COG5: variants seen among roughly 807,000 people sequenced by gnomAD.
The protein encoded by COG5 is conserved oligomeric Golgi complex subunit 5.
COG5 carries 86 observed loss-of-function variants against 110.4 expected under a neutral mutation model. That is an observed-to-expected ratio of 0.78 (90% CI 0.65 to 0.93). The LOEUF (loss-of-function observed/expected upper bound fraction) is 0.93, where lower values mean the gene tolerates loss of function less well. COG5 is among the 40% of genes least tolerant of loss of function. The pLI is 0.00. For synonymous variants in COG5, 360 were observed against 334.6 expected (o/e 1.08, Z -0.83); for missense variants, 1,077 against 987.0 (o/e 1.09, Z -1.22).
intron 11 of COG5, among the ~76,000 whole-genome samples, chr7:107,302,766 A>G (rs1254718482): frequency 6.6e-6 from 1 of 152,172 alleles, no homozygotes; most frequent in African/African-American, 2.4e-5. Context: ...ACTATTCACT[A>G]CAAAAGTAGT....
chr7:107,430,655 C>T (rs140152667), intron 6 of COG5, among the ~76,000 whole-genome samples: 109 of 152,220 alleles, frequency 7.2e-4, no homozygotes, highest in Middle Eastern at 3.4e-3. Flanking sequence ...AACACCAATT[C>T]GGATTCTGAT....
chr7:107,432,370 A>G (rs537973812), intron 6 of COG5, among the ~76,000 whole-genome samples: 2 of 152,350 alleles, frequency 1.3e-5, no homozygotes, highest in South Asian at 4.1e-4. Flanking sequence ...CTGATAAAAT[A>G]TGCCAGGCTG....
intron 17 of COG5, among the ~76,000 whole-genome samples, chr7:107,246,006 C>T (rs780941295): frequency 2.6e-5 from 4 of 152,090 alleles, no homozygotes; most frequent in African/African-American, 9.7e-5. Flanking sequence ...GGTACTGGTA[C>T]AAAAACAGGC....
At chr7:107,354,496 G>A (rs1812457146) in intron 10 of COG5, among the ~76,000 whole-genome samples, 1 of 152,166 alleles carries the variant, frequency 6.6e-6, no homozygotes, top group Admixed American at 6.5e-5. Context: ...TACCCATATG[G>A]TGAAACTCCA....
chr7:107,286,383 G>A lies in COG5; in HGVS notation c.1314-2651C>T, dbSNP rs114511990. On this transcript the variant is annotated intron_variant, in intron 12 of 21. Coordinates refer to ENST00000297135, the MANE Select transcript of COG5 (RefSeq NM_006348.5). ...CTTCCAGCCTCCATCAGCCCACCAT[G>A]TCTATAGTCATCCTTTTTCCATAGC... 7.6e-3 allele frequency among the ~76,000 whole-genome samples: 1,155 copies of A among 152,242 alleles called. 15 individuals carry two copies. The highest frequency in any genetic ancestry group is 0.026 in the African/African-American group (1,085 of 41,538).
At chr7:107,250,520 A>G (rs1802423361) in intron 16 of COG5, among the ~76,000 whole-genome samples, 3 of 152,204 alleles carry the variant, frequency 2.0e-5, no homozygotes, top group Non-Finnish European at 2.9e-5. Context: ...TACTACACAT[A>G]TAAAATGCTA....
At chr7:107,426,496 C>G (rs1195457081) in intron 6 of COG5, among the ~76,000 whole-genome samples, 1 of 152,084 alleles carries the variant, frequency 6.6e-6, no homozygotes, top group Admixed American at 6.6e-5. Flanking sequence ...GATCAGGGTG[C>G]CAACATGGTC....
At chr7:107,555,150 C>A (rs1036228395) in intron 2 of COG5, among the ~76,000 whole-genome samples, 1 of 152,160 alleles carries the variant, frequency 6.6e-6, no homozygotes, top group African/African-American at 2.4e-5. Flanking sequence ...GTGTCACATA[C>A]CCACAGCAAA....
At chr7:107,482,678 C>A (rs960614517) in intron 6 of COG5, among the ~76,000 whole-genome samples, 13 of 151,894 alleles carry the variant, frequency 8.6e-5, no homozygotes, top group African/African-American at 3.1e-4. Context: ...TAATCCAGTA[C>A]TACATTAGAT....
chr7:107,320,076 C>A (rs1236977748), intron 11 of COG5, among the ~76,000 whole-genome samples: 2 of 152,078 alleles, frequency 1.3e-5, no homozygotes, highest in Non-Finnish European at 2.9e-5. Context: ...AAGACCCATG[C>A]AGGCAAGCTT....
chr7:107,539,906 G>A (rs1311171698), intron 5 of COG5, among the ~76,000 whole-genome samples: 7 of 152,144 alleles, frequency 4.6e-5, no homozygotes, highest in Admixed American at 6.5e-5. Context: ...TGATCTTTGA[G>A]AGAAACAAGA....
At chr7:107,371,978 T>C (rs1189918451) in intron 8 of COG5, among the ~76,000 whole-genome samples, 1 of 152,194 alleles carries the variant, frequency 6.6e-6, no homozygotes, top group Non-Finnish European at 1.5e-5. Context: ...GTCTTTTCTA[T>C]CTTCTTTTAC....
chr7:107,246,988 T>C (rs1437170611), intron 17 of COG5, among the ~76,000 whole-genome samples: 2 of 152,104 alleles, frequency 1.3e-5, no homozygotes, highest in Non-Finnish European at 2.9e-5. Flanking sequence ...ATCAATGACA[T>C]AGTGGATAAA....
intron 19 of COG5, among the ~76,000 whole-genome samples, chr7:107,215,325 C>T (rs1257845875): frequency 2.0e-5 from 3 of 152,010 alleles, no homozygotes; most frequent in Non-Finnish European, 4.4e-5. Context: ...ATTTTAAGAG[C>T]AATAAAATCT....
intron 6 of COG5, among the ~76,000 whole-genome samples, chr7:107,458,443 T>C (rs747847655): frequency 2.0e-5 from 3 of 152,248 alleles, no homozygotes; most frequent in East Asian, 1.9e-4. Flanking sequence ...AGAAATTATA[T>C]TGTATTAATA....
chr7:107,422,123 G>C (rs1185487696), intron 6 of COG5, among the ~76,000 whole-genome samples: 3 of 151,954 alleles, frequency 2.0e-5, no homozygotes, highest in Non-Finnish European at 4.4e-5. Context: ...ATTGAAAACA[G>C]GAAAATAGAG....
intron 14 of COG5, among the ~76,000 whole-genome samples, chr7:107,273,826 A>T (rs1308081902): frequency 7.9e-5 from 12 of 152,026 alleles, no homozygotes; most frequent in Admixed American, 7.9e-4. Context: ...AAAAATTTTT[A>T]AATGAGAAAG....
chr7:107,285,243 TGAAAGAAC>T (rs1396419337), intron 12 of COG5, among the ~76,000 whole-genome samples: 8 of 152,298 alleles, frequency 5.3e-5, no homozygotes, highest in African/African-American at 1.9e-4. Flanking sequence ...GATGGAAGCA[TGAAAGAAC>T]TTAGTATCTA....
chr7:107,528,676 C>T (rs1380500842), intron 5 of COG5, among the ~76,000 whole-genome samples: 1 of 152,168 alleles, frequency 6.6e-6, no homozygotes, highest in Non-Finnish European at 1.5e-5. Context: ...CATACTGCTG[C>T]ATCACAACCA....
Sources: gnomAD v4.1 joint callset for allele counts (sites outside exome capture counted in the v4.1 genomes callset) on GRCh38, gnomAD v4.1.1 for gene constraint, MANE v1.5 for transcripts, NCBI Gene and HGNC (gene_info 2026-07-23, HGNC 2026-07-21) for gene names.